The following ZNF704 variants were observed in gnomAD, a reference collection of about 807,000 sequenced individuals.
The protein encoded by ZNF704 is zinc finger protein 704.
In ZNF704, 10 loss-of-function variants were observed where a neutral mutation model predicts 44.7. The ratio of observed to expected loss-of-function variants is 0.22; its 90% CI spans 0.14 to 0.38. The LOEUF (loss-of-function observed/expected upper bound fraction) is 0.38. Ranked by LOEUF, ZNF704 falls within the 10% of genes least tolerant of loss-of-function variation. ZNF704 has a pLI of 1.00. For synonymous variants in ZNF704, 211 were observed against 207.6 expected (o/e 1.02, Z -0.14); for missense variants, 390 against 545.5 (o/e 0.71, Z 2.84).
chr8:80,746,195 T>G (rs1806840711), intron 2 of ZNF704, among the ~76,000 whole-genome samples: 1 of 152,242 alleles, frequency 6.6e-6, no homozygotes, highest in Non-Finnish European at 1.5e-5. Flanking sequence ...ACAAGAAAGT[T>G]GCTTACACAG....
intron 2 of ZNF704, among the ~76,000 whole-genome samples, chr8:80,782,951 A>G (rs998837588): frequency 2.6e-5 from 4 of 152,130 alleles, no homozygotes; most frequent in African/African-American, 7.2e-5. Flanking sequence ...AAAAATCCAC[A>G]TATTAGTGGA....
intron 2 of ZNF704, among the ~76,000 whole-genome samples, chr8:80,708,848 T>A (rs907297244): frequency 6.6e-6 from 1 of 152,188 alleles, no homozygotes. Flanking sequence ...TTCCTTTTTT[T>A]TTTTGTTTTG....
the ZNF704 span, among the ~76,000 whole-genome samples, chr8:80,884,407 C>G: frequency 6.6e-6 from 1 of 152,162 alleles, no homozygotes; most frequent in African/African-American, 2.4e-5. Context: ...TCCTCATGCC[C>G]CCAGTGGCTC....
chr8:80,781,045 C>T (rs747195531), intron 2 of ZNF704, among the ~76,000 whole-genome samples: 18 of 152,142 alleles, frequency 1.2e-4, no homozygotes, highest in South Asian at 8.3e-4. Context: ...ACAATAAGTT[C>T]GGCAGAAAAA....
In ZNF704 at chr8:80,639,350, T is replaced by A. The variant is rs901943763; in HGVS notation, c.*2016A>T. 6.6e-6 allele frequency: 1 copy of A among 152,126 alleles called. No homozygotes were observed. Among genetic ancestry groups the A allele is most frequent in the East Asian group, 1.9e-4 (1 of 5,182 alleles). 9.4% of individuals were successfully genotyped at this position (152,126 alleles called of 1,614,324 possible). On this transcript the variant is annotated 3_prime_UTR_variant, in exon 9 of 9. Coordinates refer to ENST00000327835, the MANE Select transcript of ZNF704 (RefSeq NM_001033723.3). ...ATCATCTCGCATCAGTGGTGCTGCA[T>A]GGGGGGTGACAGGACACCAGGAGGA...
At chr8:80,839,481 G>C (rs1240925735) in intron 1 of ZNF704, among the ~76,000 whole-genome samples, 1 of 152,220 alleles carries the variant, frequency 6.6e-6, no homozygotes, top group Non-Finnish European at 1.5e-5. Flanking sequence ...TAGCTGCACA[G>C]ATGACTAAAT....
chr8:80,689,144 AC>A (rs1389356961), intron 3 of ZNF704, among the ~76,000 whole-genome samples: 1 of 152,124 alleles, frequency 6.6e-6, no homozygotes, highest in Non-Finnish European at 1.5e-5. Flanking sequence ...CGAGGAAAAA[AC>A]ATCCCCAAAT....
intron 2 of ZNF704, among the ~76,000 whole-genome samples, chr8:80,760,654 C>CAAAAAA (rs1156753093): frequency 3.3e-5 from 2 of 59,886 alleles, no homozygotes; most frequent in African/African-American, 9.6e-5. Flanking sequence ...GACTCCATCT[C>CAAAAAA]AAAAAAAAAA....
chr8:80,850,304 CATA>C (rs1270385719), intron 1 of ZNF704, among the ~76,000 whole-genome samples: 2 of 152,048 alleles, frequency 1.3e-5, no homozygotes, highest in African/African-American at 4.8e-5. Context: ...AATCGACTAT[CATA>C]ATCTTTCTGC....
chr8:80,845,783 C>T (rs1476757318), intron 1 of ZNF704, among the ~76,000 whole-genome samples: 1 of 152,066 alleles, frequency 6.6e-6, no homozygotes, highest in Non-Finnish European at 1.5e-5. Context: ...TTGAGCGATG[C>T]AAGAGTCCCT....
At chr8:80,705,540 TG>T (rs1213747951) in intron 2 of ZNF704, among the ~76,000 whole-genome samples, 1 of 151,680 alleles carries the variant, frequency 6.6e-6, no homozygotes, top group Non-Finnish European at 1.5e-5. Flanking sequence ...CTATGTGGGT[TG>T]GTGTCCTGTG....
At chr8:80,704,787 G>A (rs1196462438) in intron 2 of ZNF704, among the ~76,000 whole-genome samples, 1 of 152,172 alleles carries the variant, frequency 6.6e-6, no homozygotes, top group Non-Finnish European at 1.5e-5. Context: ...CACATGCTGT[G>A]CCCTACACAT....
intron 1 of ZNF704, among the ~76,000 whole-genome samples, chr8:80,841,146 C>T (rs1030776014): frequency 6.6e-6 from 1 of 152,352 alleles, no homozygotes; most frequent in East Asian, 1.9e-4. Context: ...TGGGTAGCAC[C>T]AGGAACCTTT....
At chr8:80,865,806 G>A (rs1051666714) in intron 1 of ZNF704, among the ~76,000 whole-genome samples, 10 of 152,146 alleles carry the variant, frequency 6.6e-5, no homozygotes, top group Non-Finnish European at 1.5e-4. Context: ...GCTCCATGGT[G>A]TTCTGCAACA....
chr8:80,875,395 C>T (rs1417687138), upstream of ZNF704, among the ~76,000 whole-genome samples: 3 of 152,098 alleles, frequency 2.0e-5, no homozygotes, highest in African/African-American at 4.8e-5. Context: ...ACCTCCGCCA[C>T]CTGGGTTCAA....
intron 2 of ZNF704, among the ~76,000 whole-genome samples, chr8:80,767,017 A>G (rs898239242): frequency 6.6e-6 from 1 of 151,998 alleles, no homozygotes; most frequent in Non-Finnish European, 1.5e-5. Flanking sequence ...CCGGCGCGTG[A>G]CTCTTAGTTT....
In ZNF704 at chr8:80,749,495, G is replaced by A. The variant is rs952353329; in HGVS notation, c.222-56388C>T. ...AGGTGGGGCAGGATCTACTACGGAGGTTTAGAGTGCGGAATCATCTAATAT... is the reference window on the plus strand; with the variant it reads ...AGGTGGGGCAGGATCTACTACGGAGATTTAGAGTGCGGAATCATCTAATAT... On this transcript the variant is annotated intron_variant, in intron 2 of 8. Coordinates refer to ENST00000327835, the MANE Select transcript of ZNF704 (RefSeq NM_001033723.3). 28 of 153,100 alleles carry A rather than the reference G, an allele frequency of 1.8e-4. 1 individual carries two copies. Among genetic ancestry groups the A allele is most frequent in the Non-Finnish European group, 8.8e-5 (6 of 68,050 alleles). The allele number at this position is 153,100 out of a possible 1,614,324, so 9.5% of individuals were successfully genotyped here. A position where few individuals can be genotyped will look rare whatever the true frequency, so the allele number is the denominator to read the frequency against.
chr8:80,764,329 G>A (rs1332004746), intron 2 of ZNF704, among the ~76,000 whole-genome samples: 2 of 152,192 alleles, frequency 1.3e-5, no homozygotes, highest in Non-Finnish European at 2.9e-5. Flanking sequence ...GAGTCATGGT[G>A]GAAGATGAAG....
intron 1 of ZNF704, among the ~76,000 whole-genome samples, chr8:80,824,636 G>A (rs1447760420): frequency 6.6e-6 from 1 of 152,176 alleles, no homozygotes; most frequent in Non-Finnish European, 1.5e-5. Flanking sequence ...ATTCACCAAA[G>A]CTGAAATGAA....
Sources: gnomAD v4.1 joint callset for allele counts (sites outside exome capture counted in the v4.1 genomes callset) on GRCh38, gnomAD v4.1.1 for gene constraint, MANE v1.5 for transcripts, NCBI Gene and HGNC (gene_info 2026-07-23, HGNC 2026-07-21) for gene names.